The following QTRT2 variants were observed in gnomAD, a reference collection of about 807,000 sequenced individuals.
QTRT2 encodes queuine tRNA-ribosyltransferase accessory subunit 2.
Under a neutral mutation model 44.8 loss-of-function variants are expected in QTRT2, and 32 were observed. That is an observed-to-expected ratio of 0.71 (90% confidence interval 0.54 to 0.96). The LOEUF (loss-of-function observed/expected upper bound fraction) is 0.96. Ranked by LOEUF, QTRT2 falls within the 40% of genes least tolerant of loss-of-function variation. The pLI, the probability that QTRT2 is intolerant of heterozygous loss-of-function variation, is 0.00. For missense variants in QTRT2, 461 were observed against 503.1 expected (o/e 0.92, Z 0.80); for synonymous variants, 182 against 187.4 (o/e 0.97, Z 0.24).
chr3:114,067,270 A>G (rs955954195), intron 4 of QTRT2, among the ~76,000 whole-genome samples: 1 of 152,242 alleles, frequency 6.6e-6, no homozygotes, highest in Non-Finnish European at 1.5e-5. Context: ...TTCTAGAGAT[A>G]ATTGTAATAA....
intron 6 of QTRT2, among the ~76,000 whole-genome samples, chr3:114,073,579 C>T (rs530949807): frequency 6.6e-6 from 1 of 152,228 alleles, no homozygotes; most frequent in Admixed American, 6.5e-5. Flanking sequence ...TGGGGTTTCA[C>T]TGTGTTGGCC....
At position 114,065,236 on chromosome 3, in the gene QTRT2, G is replaced by C; in HGVS notation, c.-21-1G>C. 4 of 1,609,398 alleles carry C rather than the reference G, an allele frequency of 2.5e-6. No homozygotes were observed. Among genetic ancestry groups the C allele is most frequent in the Non-Finnish European group, 3.4e-6 (4 of 1,176,748 alleles). On this transcript the variant is annotated splice_acceptor_variant, in intron 2 of 9. Coordinates refer to ENST00000281273, the MANE Select transcript of QTRT2 (RefSeq NM_024638.4). LOFTEE classifies it low-confidence loss of function (5UTR_SPLICE). ...TATACTTAATGCTCTTTTCTTGACAGGACCTAGAAGAATCCCTTAGGATGA... is the reference window on the plus strand; with the variant it reads ...TATACTTAATGCTCTTTTCTTGACACGACCTAGAAGAATCCCTTAGGATGA...
intron 4 of QTRT2, among the ~76,000 whole-genome samples, chr3:114,067,240 G>A (rs573492920): frequency 3.2e-4 from 48 of 152,118 alleles, no homozygotes; most frequent in Admixed American, 2.0e-4. Flanking sequence ...ATAATTAAAT[G>A]AAAATAGCTA....
chr3:114,056,775 T>C lies in QTRT2; in HGVS notation c.-219T>C, dbSNP rs2076795289. ...TGGCTCTGCACTGGAGGCAGTGATT[T>C]TGGGGCAGAGAATTTTGCAACACGT... On this transcript the variant is annotated 5_prime_UTR_variant, in exon 1 of 10. Transcript: ENST00000281273. 8 of 1,504,938 alleles carry C rather than the reference T, an allele frequency of 5.3e-6. No individual in the cohort carries two copies. The highest frequency in any genetic ancestry group is 7.1e-6 in the Non-Finnish European group (8 of 1,124,900). 93.2% of individuals were successfully genotyped at this position (1,504,938 alleles called of 1,614,324 possible).
chr3:114,058,521 G>A (rs1257436719), intron 2 of QTRT2, among the ~76,000 whole-genome samples: 1 of 152,076 alleles, frequency 6.6e-6, no homozygotes, highest in East Asian at 1.9e-4. Flanking sequence ...CTGTTTTCTA[G>A]AATTGTAGCG....
chr3:114,086,061 G>A lies in QTRT2; in HGVS notation c.*157G>A. 1.6e-6 allele frequency: 1 copy of A among 629,312 alleles called. No homozygotes were observed. The highest frequency in any genetic ancestry group is 2.0e-5 in the South Asian group (1 of 51,146). 39.0% of individuals were successfully genotyped at this position (629,312 alleles called of 1,614,324 possible). ...TCTTTGTACCAAACTGCCCACATGA[G>A]GGTGAAGAGATTTCCTCAAAAGACT... On this transcript the variant is annotated 3_prime_UTR_variant, in exon 10 of 10. Coordinates refer to ENST00000281273, the MANE Select transcript of QTRT2 (RefSeq NM_024638.4).
At chr3:114,079,108 G>A (rs1359960332) in intron 7 of QTRT2, 1 of 152,144 alleles carries the variant, frequency 6.6e-6, no homozygotes, top group Admixed American at 6.6e-5. Context: ...ACACAGCTTT[G>A]CACTCCTAAA....
intron 3 of QTRT2, among the ~76,000 whole-genome samples, chr3:114,065,920 T>G (rs2242316): frequency 0.22 from 33,585 of 152,240 alleles, 4,477 homozygotes; most frequent in Middle Eastern, 0.36. Context: ...CCAATTAACA[T>G]AATAGTCTGC....
chr3:114,062,935 G>A (rs1430414962), intron 2 of QTRT2, among the ~76,000 whole-genome samples: 2 of 152,226 alleles, frequency 1.3e-5, no homozygotes, highest in African/African-American at 2.4e-5. Context: ...TCAGATGAGA[G>A]AGTATTTTTG....
rs2077147156 is a variant in QTRT2 at position 114,080,021 on chromosome 3, T to TAA, written c.862_863insAA (p.Phe288Ter). 29 of 1,611,796 alleles carry TAA rather than the reference T, an allele frequency of 1.8e-5. No individual in the cohort carries two copies. The highest frequency in any genetic ancestry group is 2.4e-5 in the Non-Finnish European group (28 of 1,179,046). ...QVTERGCALT[F>*]SFDYQPNPEE... is the part of the protein sequence containing the mutation. ...AACAGAGCGGGGATGTGCCCTGACT[T>TAA]TCAGTTTTGATTACCAGCCGAATCC... is the stretch of plus-strand genomic sequence containing the variant. Residue 288 changes from phenylalanine (F) to a stop codon, truncating the protein, a stop_gained and frameshift_variant, in exon 8 of 10, where the codon TTC becomes TAATC. Transcript: ENST00000281273. LOFTEE classifies it high-confidence loss of function.
At chr3:114,075,603 G>A (rs569242586) in intron 6 of QTRT2, among the ~76,000 whole-genome samples, 1 of 149,092 alleles carries the variant, frequency 6.7e-6, no homozygotes, top group Non-Finnish European at 1.5e-5. Flanking sequence ...CCTCCTCCTC[G>A]GCTCAAGCGA....
chr3:114,070,957 T>G (rs2077017840), intron 6 of QTRT2, 119 bp downstream of exon 6: 11 of 713,984 alleles, frequency 1.5e-5, no homozygotes, highest in Non-Finnish European at 2.5e-5. Flanking sequence ...TTGTCTATTT[T>G]ACTCTCTATT....
intron 4 of QTRT2, chr3:114,066,522 A>C (rs1451158137): frequency 2.0e-6 from 1 of 489,618 alleles, no homozygotes; most frequent in East Asian, 3.6e-5. Flanking sequence ...AATTGTGGTT[A>C]CTGCTTTACA....
intron 6 of QTRT2, among the ~76,000 whole-genome samples, chr3:114,074,884 A>T (rs1203807320): frequency 6.6e-6 from 1 of 152,334 alleles, no homozygotes; most frequent in South Asian, 2.1e-4. Context: ...GCTATTATCT[A>T]CTGCATTCTT....
intron 2 of QTRT2, among the ~76,000 whole-genome samples, chr3:114,057,813 T>C (rs559626010): frequency 1.3e-5 from 2 of 152,158 alleles, no homozygotes. Flanking sequence ...TGCAAGTATG[T>C]TTAAATATTT....
At position 114,065,384 on chromosome 3, in the gene QTRT2, C is replaced by G; in HGVS notation, c.127C>G (p.Pro43Ala). Residue 43 changes from proline to alanine, a missense_variant, in exon 3 of 10, where the codon CCA becomes GCA. Transcript: ENST00000281273. Reference sequence around the variant, plus strand: ...TCTGTATACCAAGACTGGCTCCGCCCCACACCTCACCCATCACACGCTGCA... The same window carrying G: ...TCTGTATACCAAGACTGGCTCCGCCGCACACCTCACCCATCACACGCTGCA... ...CLLYTKTGSA[P>A]HLTHHTLHNI... is the part of the protein sequence containing the mutation. 6.2e-7 allele frequency: 1 copy of G among 1,614,162 alleles called. No individual in the cohort carries two copies. Among genetic ancestry groups the G allele is most frequent in the Non-Finnish European group, 8.5e-7 (1 of 1,180,014 alleles).
chr3:114,082,637 C>G (rs774798670), intron 8 of QTRT2, 40 bp from the exon 9 acceptor site: 2 of 785,160 alleles, frequency 2.5e-6, no homozygotes, highest in South Asian at 3.5e-5. Context: ...CACTTCTTAT[C>G]TGATCATCAT....
At chr3:114,072,146 A>AT (rs892912293) in intron 6 of QTRT2, among the ~76,000 whole-genome samples, 19 of 146,694 alleles carry the variant, frequency 1.3e-4, no homozygotes, top group East Asian at 9.9e-4. Flanking sequence ...TGTATCATTC[A>AT]TTTTTTTTTT....
At chr3:114,059,899 T>G (rs747029865) in intron 2 of QTRT2, among the ~76,000 whole-genome samples, 1 of 152,226 alleles carries the variant, frequency 6.6e-6, no homozygotes, top group Non-Finnish European at 1.5e-5. Flanking sequence ...AGTAGGTATT[T>G]CTCTCCAGCT....
Sources: gnomAD v4.1 joint callset for allele counts (sites outside exome capture counted in the v4.1 genomes callset) on GRCh38, gnomAD v4.1.1 for gene constraint, MANE v1.5 for transcripts, NCBI Gene and HGNC (gene_info 2026-07-23, HGNC 2026-07-21) for gene names.